The following CDK15 variants were observed in gnomAD, a reference collection of about 807,000 sequenced individuals.
CDK15 encodes cyclin dependent kinase 15, also known as cyclin-dependent kinase 15.
A neutral mutation model predicts 60.3 loss-of-function variants in CDK15; 62 were observed. The ratio of observed to expected loss-of-function variants is 1.03; its 90% confidence interval spans 0.84 to 1.27. The LOEUF (loss-of-function observed/expected upper bound fraction) is 1.27. CDK15 is among the 50% of genes most tolerant of loss of function. The pLI, the probability that CDK15 is intolerant of heterozygous loss-of-function variation, is 0.00. For synonymous variants in CDK15, 194 were observed against 195.7 expected, an observed-to-expected ratio of 0.99 and a Z score of 0.07; for missense variants, 541 against 527.8, an observed-to-expected ratio of 1.03 and a Z score of -0.25.
chr2:201,849,024 T>G (rs1254630676), intron 9 of CDK15, among the ~76,000 whole-genome samples: 1 of 152,196 alleles, frequency 6.6e-6, no homozygotes, highest in Non-Finnish European at 1.5e-5. Context: ...TATAACATCA[T>G]CTAAGCTGGA....
intron 6 of CDK15, among the ~76,000 whole-genome samples, chr2:201,824,349 C>A (rs1022994965): frequency 6.6e-6 from 1 of 152,046 alleles, no homozygotes; most frequent in Non-Finnish European, 1.5e-5. Flanking sequence ...ATTCATTTAA[C>A]TAATATTTAT....
At chr2:201,875,113 A>G (rs1699026779) in intron 11 of CDK15, among the ~76,000 whole-genome samples, 1 of 152,196 alleles carries the variant, frequency 6.6e-6, no homozygotes, top group Non-Finnish European at 1.5e-5. Flanking sequence ...CGCAGTCACA[A>G]AACTCAATTT....
chr2:201,886,931 C>T (rs1411510009), intron 12 of CDK15, among the ~76,000 whole-genome samples: 2 of 152,280 alleles, frequency 1.3e-5, no homozygotes, highest in Non-Finnish European at 2.9e-5. Context: ...AGTGTTATAG[C>T]ATGCATATCG....
At chr2:201,829,782 A>G (rs1342386610) in intron 6 of CDK15, among the ~76,000 whole-genome samples, 2 of 151,932 alleles carry the variant, frequency 1.3e-5, no homozygotes, top group African/African-American at 4.8e-5. Context: ...TTATTTTATT[A>G]TGTTTTATTT....
chr2:201,846,321 C>T (rs1400527019), intron 8 of CDK15, among the ~76,000 whole-genome samples: 2 of 151,986 alleles, frequency 1.3e-5, no homozygotes, highest in Admixed American at 6.6e-5. Context: ...GGTGAAATCA[C>T]GTTTCTACTA....
Position 201,828,124 on chromosome 2 carries a change from GAGA to G in CDK15, c.606+4403_606+4405del, listed in dbSNP as rs528612169. Among the ~76,000 whole-genome samples the G allele has an allele frequency of 5.9e-5, 9 of 152,308 alleles. No individual in the cohort carries two copies. The South Asian group carries it at 6.2e-4, about 11-fold the overall frequency. ...ATTGTAGCTCTATTAACAGAAATAG[GAGA>G]AGAAGTTGGTTTGGAGAGAAAGAGG... On this transcript the variant is annotated intron_variant, in intron 6 of 13. Transcript: ENST00000652192.
chr2:201,813,105 G>A (rs796656940), intron 4 of CDK15, among the ~76,000 whole-genome samples: 6 of 152,268 alleles, frequency 3.9e-5, no homozygotes, highest in African/African-American at 1.4e-4. Flanking sequence ...ATGTTGGGTA[G>A]GTTACTTTAG....
At chr2:201,891,852 A>C (rs1699649251) in intron 13 of CDK15, among the ~76,000 whole-genome samples, 1 of 152,120 alleles carries the variant, frequency 6.6e-6, no homozygotes, top group South Asian at 2.1e-4. Flanking sequence ...TCCAAACCAC[A>C]AGCATTATCC....
chr2:201,877,582 G>A (rs1699126631), intron 11 of CDK15, among the ~76,000 whole-genome samples: 1 of 152,198 alleles, frequency 6.6e-6, no homozygotes, highest in Non-Finnish European at 1.5e-5. Flanking sequence ...CTTCCAGAGA[G>A]ATCCTAGGCT....
At chr2:201,865,919 A>T (rs1698611966) in intron 10 of CDK15, among the ~76,000 whole-genome samples, 2 of 145,596 alleles carry the variant, frequency 1.4e-5, no homozygotes, top group East Asian at 4.0e-4. Flanking sequence ...AAAAAAAAAA[A>T]GCTTGGGAAG....
intron 13 of CDK15, among the ~76,000 whole-genome samples, chr2:201,892,617 G>A (rs981231210): frequency 2.0e-5 from 3 of 152,194 alleles, no homozygotes; most frequent in African/African-American, 7.2e-5. Context: ...ATGTCCCTAG[G>A]CCTTGGTACG....
chr2:201,809,611 G>A (rs375749360), intron 3 of CDK15, among the ~76,000 whole-genome samples: 2 of 151,934 alleles, frequency 1.3e-5, no homozygotes, highest in Non-Finnish European at 2.9e-5. Context: ...AAAACTCTAC[G>A]TTAGAGAATT....
intron 7 of CDK15, among the ~76,000 whole-genome samples, chr2:201,834,916 TC>T (rs1335334705): frequency 2.0e-5 from 3 of 152,208 alleles, no homozygotes; most frequent in Non-Finnish European, 4.4e-5. Flanking sequence ...CAACAATAGA[TC>T]ATGCAATTCT....
intron 4 of CDK15, among the ~76,000 whole-genome samples, chr2:201,814,267 C>T (rs368707398): frequency 5.3e-5 from 8 of 152,184 alleles, no homozygotes; most frequent in East Asian, 3.8e-4. Context: ...TGCATATTTA[C>T]GGAGGAATTG....
chr2:201,863,666 C>A (rs568426612), intron 10 of CDK15, among the ~76,000 whole-genome samples: 1 of 151,990 alleles, frequency 6.6e-6, no homozygotes, highest in South Asian at 2.1e-4. Flanking sequence ...GAGGCCGAGG[C>A]GGGTGGTTCA....
At chr2:201,880,215 C>A (rs143075283) in intron 12 of CDK15, 48 bp downstream of exon 12, 3 of 1,598,880 alleles carry the variant, frequency 1.9e-6, no homozygotes, top group African/African-American at 2.7e-5. Flanking sequence ...TGCGTGAGTG[C>A]GTGTGTGTGT....
intron 8 of CDK15, among the ~76,000 whole-genome samples, chr2:201,838,167 A>G (rs569261445): frequency 6.6e-6 from 1 of 151,948 alleles, no homozygotes; most frequent in East Asian, 1.9e-4. Flanking sequence ...ATATATGTAG[A>G]TCAGTGATTC....
At chr2:201,872,145 A>G in intron 10 of CDK15, 133 bp from the exon 11 acceptor site, 1 of 907,994 alleles carries the variant, frequency 1.1e-6, no homozygotes, top group Non-Finnish European at 1.8e-6. Context: ...TTTAAAAATC[A>G]CATTAGCCTA....
At chr2:201,807,704 G>A (rs938289954) in intron 2 of CDK15, 61 bp downstream of exon 2, 2 of 1,601,280 alleles carry the variant, frequency 1.2e-6, no homozygotes, top group African/African-American at 2.7e-5. Flanking sequence ...ACGGAGGCCG[G>A]CCCTTGCTTC....
Sources: allele counts gnomAD v4.1 joint callset (sites outside exome capture counted in the v4.1 genomes callset), GRCh38; gene constraint gnomAD v4.1.1; transcripts MANE v1.5; gene names NCBI Gene and HGNC (gene_info 2026-07-23, HGNC 2026-07-21).